The following C8orf34 variants were observed in gnomAD, a reference collection of about 807,000 sequenced individuals.
C8orf34 encodes the protein uncharacterized protein C8orf34.
A neutral mutation model predicts 68.3 loss-of-function variants in C8orf34; 65 were observed. The ratio of observed to expected loss-of-function variants is 0.95; its 90% CI spans 0.78 to 1.17. The LOEUF (loss-of-function observed/expected upper bound fraction) is 1.17. Among genes scored for constraint, C8orf34 ranks in the 50% most tolerant of loss-of-function variants. The pLI, the probability that C8orf34 is intolerant of heterozygous loss-of-function variation, is 0.00. For missense variants in C8orf34, 664 were observed against 655.4 expected, an observed-to-expected ratio of 1.01 and a Z score of -0.14; for synonymous variants, 244 against 241.2, an observed-to-expected ratio of 1.01 and a Z score of -0.11.
chr8:68,525,498 G>A, intron 6 of C8orf34: 1 of 671,424 alleles, frequency 1.5e-6, no homozygotes, highest in Non-Finnish European at 2.5e-6. Flanking sequence ...CATTTTATTT[G>A]TAAGTATGTA....
At position 68,818,625 on chromosome 8, in the gene C8orf34, A is replaced by C. The variant is rs1350989160; in HGVS notation, c.*379A>C. 1.2e-5 allele frequency: 2 copies of C among 168,174 alleles called. No individual in the cohort carries two copies. The highest frequency in any genetic ancestry group is 3.3e-4 in the East Asian group (2 of 6,040). 10.4% of individuals were successfully genotyped at this position (168,174 alleles called of 1,614,324 possible). On this transcript the variant is annotated 3_prime_UTR_variant, in exon 14 of 14. Coordinates refer to ENST00000518698, the MANE Select transcript of C8orf34 (RefSeq NM_052958.4). The stretch of plus-strand genomic sequence containing the variant: ...GTTTTCTACTTCTTCTATTTTTATA[A>C]TATTTTCTCATTTTTTAGATTACTA...
chr8:68,729,443 A>G (rs1821920780), intron 10 of C8orf34, among the ~76,000 whole-genome samples: 1 of 152,182 alleles, frequency 6.6e-6, no homozygotes, highest in Admixed American at 6.5e-5. Flanking sequence ...AGTTGCACAA[A>G]TGCCTTTTAT....
rs185340233 is a variant in C8orf34, at chr8:68,487,803, T to C, written c.737-220T>C. Among the ~76,000 whole-genome samples, 44 of 152,352 alleles carry C rather than the reference T, an allele frequency of 2.9e-4. No individual in the cohort carries two copies. The East Asian group carries it at 3.7e-3, about 13-fold the overall frequency. ...CGCTGCTTTGTTTTTGTTGCATCAT[T>C]TGCATTGCTTCAGCAGTTCATGGCT... On this transcript the variant is annotated intron_variant, in intron 4 of 13. Transcript: ENST00000518698.
intron 12 of C8orf34, chr8:68,791,421 G>T (rs963023436): frequency 6.5e-6 from 1 of 153,614 alleles, no homozygotes; most frequent in Non-Finnish European, 1.4e-5. Context: ...TGAGATTTGG[G>T]TGGGGACACT....
intron 7 of C8orf34, among the ~76,000 whole-genome samples, chr8:68,591,137 G>A (rs184163110): frequency 6.5e-4 from 99 of 152,246 alleles, no homozygotes; most frequent in Middle Eastern, 6.8e-3. Context: ...AGGAAAATCT[G>A]ATAAGCTGAG....
intron 8 of C8orf34, among the ~76,000 whole-genome samples, chr8:68,665,235 T>G (rs1235185365): frequency 1.3e-5 from 2 of 152,174 alleles, no homozygotes; most frequent in African/African-American, 4.8e-5. Context: ...AAAATACAGA[T>G]GGAAATATTG....
chr8:68,367,658 C>A (rs1251962766), intron 1 of C8orf34, among the ~76,000 whole-genome samples: 2 of 140,040 alleles, frequency 1.4e-5, no homozygotes, highest in South Asian at 2.4e-4. Flanking sequence ...AACAAAAAAC[C>A]AAACACCACA....
intron 7 of C8orf34, among the ~76,000 whole-genome samples, chr8:68,572,234 GAC>G (rs36042681): frequency 0.032 from 4,571 of 144,768 alleles, 131 homozygotes; most frequent in African/African-American, 0.074. Flanking sequence ...TGACTGTATA[GAC>G]ACACACACAC....
At chr8:68,790,795 A>T (rs1044783736) in intron 12 of C8orf34, 1 of 691,338 alleles carries the variant, frequency 1.4e-6, no homozygotes, top group Admixed American at 2.1e-5. Flanking sequence ...TAACACTCAT[A>T]TTCTGGGACT....
chr8:68,787,631 T>TAA (rs879563590), intron 12 of C8orf34, 95 bp downstream of exon 12: 215 of 570,750 alleles, frequency 3.8e-4, no homozygotes, highest in African/African-American at 7.9e-4. Flanking sequence ...ACAACTTCTG[T>TAA]AAAAAAAAAA....
At chr8:68,509,352 C>G (rs543477108) in intron 5 of C8orf34, among the ~76,000 whole-genome samples, 3 of 152,308 alleles carry the variant, frequency 2.0e-5, no homozygotes, top group Admixed American at 2.0e-4. Flanking sequence ...GAGCTAAGGA[C>G]AGCTCAAAAA....
rs1322069458 is a variant in C8orf34, at chr8:68,489,993, T to C, written c.765+1942T>C. Among the ~76,000 whole-genome samples the C allele has an allele frequency of 3.3e-5, 5 of 152,322 alleles. No homozygotes were observed. The East Asian group carries it at 7.7e-4, about 23-fold the overall frequency. ...CATCTGTACCGACTCCAGGCAGAAC[T>C]CCATGTTGACCATACTCAATGGCAA... On this transcript the variant is annotated intron_variant, in intron 5 of 13. Coordinates refer to ENST00000518698, the MANE Select transcript of C8orf34 (RefSeq NM_052958.4).
At chr8:68,753,384 A>G (rs1822760470) in intron 10 of C8orf34, among the ~76,000 whole-genome samples, 1 of 152,238 alleles carries the variant, frequency 6.6e-6, no homozygotes, top group Admixed American at 6.5e-5. Flanking sequence ...TTTTAGCCTT[A>G]AAAACATAAT....
chr8:68,798,489 T>C (rs1824242916), intron 12 of C8orf34, among the ~76,000 whole-genome samples: 1 of 152,092 alleles, frequency 6.6e-6, no homozygotes, highest in Admixed American at 6.6e-5. Flanking sequence ...TCTAAACTCT[T>C]ATCAGATGAT....
At chr8:68,401,115 G>GTTTTTTTTTTT (rs57444673) in intron 1 of C8orf34, among the ~76,000 whole-genome samples, 1 of 139,028 alleles carries the variant, frequency 7.2e-6, no homozygotes, top group Non-Finnish European at 1.5e-5. Flanking sequence ...CATATTCCTA[G>GTTTTTTTTTTT]TTTTTTTTTT....
intron 12 of C8orf34, among the ~76,000 whole-genome samples, chr8:68,806,332 AT>A (rs1055860286): frequency 6.7e-4 from 102 of 152,038 alleles, no homozygotes; most frequent in African/African-American, 2.3e-3. Flanking sequence ...AAAAAAAAAG[AT>A]TTGTTTTAGT....
chr8:68,522,911 T>C (rs1020288460), intron 6 of C8orf34, among the ~76,000 whole-genome samples: 9 of 152,192 alleles, frequency 5.9e-5, no homozygotes, highest in African/African-American at 2.2e-4. Context: ...ATTTTCTATG[T>C]TAAATTTAGC....
At chr8:68,719,028 T>C (rs1218983148) in intron 9 of C8orf34, among the ~76,000 whole-genome samples, 1 of 152,160 alleles carries the variant, frequency 6.6e-6, no homozygotes, top group African/African-American at 2.4e-5. Context: ...TAAAAGAAAT[T>C]GCTCTGGAAT....
chr8:68,688,521 C>T (rs558704538), intron 8 of C8orf34, among the ~76,000 whole-genome samples: 9 of 152,106 alleles, frequency 5.9e-5, no homozygotes, highest in South Asian at 2.1e-4. Context: ...TACATGCGCA[C>T]GTATGTTTAT....
Sources: allele counts gnomAD v4.1 joint callset (sites outside exome capture counted in the v4.1 genomes callset), GRCh38; gene constraint gnomAD v4.1.1; transcripts MANE v1.5; gene names NCBI Gene and HGNC (gene_info 2026-07-23, HGNC 2026-07-21).